OR51B5: variants seen among roughly 807,000 people sequenced by gnomAD.
OR51B5 encodes olfactory receptor 51B5.
For synonymous variants in OR51B5, 186 were observed against 144.8 expected (o/e 1.28, Z -2.04); for missense variants, 456 against 374.6 (o/e 1.22, Z -1.79).
chr11:5,384,187 T>C (rs76645589), intron 1 of OR51B5, among the ~76,000 whole-genome samples: 4,622 of 152,294 alleles, frequency 0.03, 100 homozygotes, highest in Middle Eastern at 0.051. Flanking sequence ...TTGTTTGTTG[T>C]TTTTAGAAAT....
Position 5,394,395 on chromosome 11 carries a change from C to CA in OR51B5, n.85-47486dup, listed in dbSNP as rs1425588202. On this transcript the variant is annotated intron_variant and non_coding_transcript_variant, in intron 1 of 4. Transcript: ENST00000415970. ...CACTGATTCAACAACAACAACAAAC[C>CA]AAAAAAAACATAAAATCAGCCAAAG... is the stretch of plus-strand genomic sequence containing the variant. 2.2e-4 allele frequency among the ~76,000 whole-genome samples: 33 copies of CA among 151,492 alleles called. 1 individual carries two copies. Among genetic ancestry groups the CA allele is most frequent in the South Asian group, 1.0e-3 (5 of 4,792 alleles).
In OR51B5 at chr11:5,470,247, T is replaced by A. The variant is rs78253461; in HGVS notation, n.84+35322A>T. ...TCCCGTGTGCAGCCAAGTGTGAGTA[T>A]CAGGAATTTAGGTCACTCCTATCAG... On this transcript the variant is annotated intron_variant and non_coding_transcript_variant, in intron 1 of 4. Transcript: ENST00000415970. Among the ~76,000 whole-genome samples the A allele has an allele frequency of 9.3e-4, 141 of 152,304 alleles. 4 individuals are homozygous for A. The East Asian group carries it at 0.025, about 27-fold the overall frequency.
At chr11:5,436,149 C>T (rs1240284279) in intron 1 of OR51B5, among the ~76,000 whole-genome samples, 1 of 152,148 alleles carries the variant, frequency 6.6e-6, no homozygotes, top group Non-Finnish European at 1.5e-5. Context: ...ATTAAGGACA[C>T]TGAAGGAATG....
intron 1 of OR51B5, among the ~76,000 whole-genome samples, chr11:5,370,811 A>C (rs1425567721): frequency 6.6e-6 from 1 of 152,214 alleles, no homozygotes; most frequent in Non-Finnish European, 1.5e-5. Flanking sequence ...ATTTGATGCA[A>C]TAGAGAATAA....
intron 1 of OR51B5, among the ~76,000 whole-genome samples, chr11:5,376,988 C>T (rs1849538111): frequency 6.6e-6 from 1 of 152,060 alleles, no homozygotes; most frequent in Admixed American, 6.6e-5. Flanking sequence ...AATACCAAAG[C>T]CAGAAAGAGA....
At chr11:5,462,186 G>A (rs1851066140) in intron 1 of OR51B5, among the ~76,000 whole-genome samples, 1 of 152,180 alleles carries the variant, frequency 6.6e-6, no homozygotes, top group Admixed American at 6.5e-5. Context: ...GTGCTGGGTA[G>A]GTTGGTGAGG....
chr11:5,397,421 A>T (rs1240688171), intron 1 of OR51B5, among the ~76,000 whole-genome samples: 1 of 152,218 alleles, frequency 6.6e-6, no homozygotes, highest in Non-Finnish European at 1.5e-5. Flanking sequence ...AAAAGAAGAC[A>T]TTTATGCAGC....
upstream of OR51B5, among the ~76,000 whole-genome samples, chr11:5,344,549 G>A (rs1410913622): frequency 2.0e-5 from 3 of 151,776 alleles, no homozygotes; most frequent in African/African-American, 7.3e-5. Flanking sequence ...CTGAAGAGAA[G>A]AGATTAGTCC....
At chr11:5,431,906 A>G (rs1384802687) in intron 1 of OR51B5, among the ~76,000 whole-genome samples, 2 of 152,222 alleles carry the variant, frequency 1.3e-5, no homozygotes, top group Non-Finnish European at 2.9e-5. Flanking sequence ...GATGCATAAT[A>G]TTTGTACATA....
rs1850536574 is a variant in OR51B5, at chr11:5,431,634, C to A, written n.84+73935G>T. The A allele has an allele frequency of 2.0e-5, 3 of 152,840 alleles. No homozygotes were observed. The South Asian group carries it at 6.2e-4, about 31-fold the overall frequency. The allele number at this position is 152,840 out of a possible 1,614,324, so 9.5% of individuals were successfully genotyped here. A position where few individuals can be genotyped will look rare whatever the true frequency, so the allele number is the denominator to read the frequency against. ...AACAGCAGAGATCAGTCTTCGCCTG[C>A]CATTTGAAAAAAACTGAAGTTAGTC... On this transcript the variant is annotated intron_variant and non_coding_transcript_variant, in intron 1 of 4. Transcript: ENST00000415970.
chr11:5,413,432 C>A (rs1442969893), intron 1 of OR51B5, among the ~76,000 whole-genome samples: 2 of 152,300 alleles, frequency 1.3e-5, no homozygotes, highest in South Asian at 4.1e-4. Flanking sequence ...CAAAGCTGGA[C>A]AGAGAATGAC....
At chr11:5,444,427 A>G (rs1453760043) in intron 1 of OR51B5, among the ~76,000 whole-genome samples, 2 of 152,222 alleles carry the variant, frequency 1.3e-5, no homozygotes, top group African/African-American at 4.8e-5. Flanking sequence ...GTTTTGATTT[A>G]GATGGAAACC....
intron 1 of OR51B5, among the ~76,000 whole-genome samples, chr11:5,488,302 A>C (rs1851525673): frequency 6.6e-6 from 1 of 152,182 alleles, no homozygotes; most frequent in Non-Finnish European, 1.5e-5. Context: ...AGAGAGGAGG[A>C]AAATAAAGGA....
chr11:5,425,925 G>A (rs150370155), intron 1 of OR51B5, among the ~76,000 whole-genome samples: 7 of 152,238 alleles, frequency 4.6e-5, no homozygotes, highest in Admixed American at 2.6e-4. Flanking sequence ...AATAATTAGC[G>A]TAAAAAGAAA....
intron 1 of OR51B5, among the ~76,000 whole-genome samples, chr11:5,411,535 G>A (rs1004493517): frequency 1.3e-5 from 2 of 152,110 alleles, no homozygotes; most frequent in African/African-American, 4.8e-5. Flanking sequence ...CCCCATTCAT[G>A]GGAATTCAGA....
At chr11:5,420,420 T>C (rs1339579327) in intron 1 of OR51B5, among the ~76,000 whole-genome samples, 1 of 152,122 alleles carries the variant, frequency 6.6e-6, no homozygotes, top group Non-Finnish European at 1.5e-5. Context: ...TTTGTAGTTG[T>C]ATTTCTTTTA....
intron 1 of OR51B5, among the ~76,000 whole-genome samples, chr11:5,356,321 T>A (rs187863114): frequency 6.6e-6 from 1 of 151,750 alleles, no homozygotes; most frequent in Non-Finnish European, 1.5e-5. Context: ...GAGAACTACA[T>A]GATGAATGCA....
At chr11:5,359,748 A>G (rs1196528142) in intron 1 of OR51B5, among the ~76,000 whole-genome samples, 1 of 151,100 alleles carries the variant, frequency 6.6e-6, no homozygotes, top group Admixed American at 6.6e-5. Flanking sequence ...AAACTATACT[A>G]CAAGGCTACA....
upstream of OR51B5, among the ~76,000 whole-genome samples, chr11:5,344,526 G>GT (rs777567455): frequency 6.6e-6 from 1 of 152,100 alleles, no homozygotes; most frequent in Non-Finnish European, 1.5e-5. Context: ...CTTAAACGTG[G>GT]TGCTGTCTTT....
Sources: gnomAD v4.1 joint callset for allele counts (sites outside exome capture counted in the v4.1 genomes callset) on GRCh38, gnomAD v4.1.1 for gene constraint, MANE v1.5 for transcripts, NCBI Gene and HGNC (gene_info 2026-07-23, HGNC 2026-07-21) for gene names.